FBXO17: variants seen among roughly 807,000 people sequenced by gnomAD.
The protein encoded by FBXO17 is F-box protein 17.
Under a neutral mutation model 34.1 loss-of-function variants are expected in FBXO17, and 43 were observed. The observed-to-expected ratio is 1.26, with a 90% confidence interval of 0.99 to 1.62. The LOEUF is 1.62. Ranked by LOEUF, FBXO17 falls within the 40% of genes most tolerant of loss-of-function variation. The pLI, the probability that FBXO17 is intolerant of heterozygous loss-of-function variation, is 0.00. For synonymous variants in FBXO17, 169 were observed against 166.0 expected, an observed-to-expected ratio of 1.02 and a Z score of -0.14; for missense variants, 424 against 386.7, an observed-to-expected ratio of 1.10 and a Z score of -0.81.
intron 1 of FBXO17, among the ~76,000 whole-genome samples, chr19:38,960,963 C>G (rs1015462517): frequency 9.2e-5 from 14 of 151,960 alleles, no homozygotes; most frequent in African/African-American, 3.4e-4. Context: ...CGCACCACCA[C>G]GCCAGGCTGA....
At chr19:38,945,896 G>A in intron 4 of FBXO17, 1 of 181,236 alleles carries the variant, frequency 5.5e-6, no homozygotes, top group South Asian at 1.0e-4. Context: ...GTAGTTGGGG[G>A]ACGGGAAAGG....
intron 5 of FBXO17, 167 bp downstream of exon 5, chr19:38,944,802 A>G (rs1392920953): frequency 5.5e-6 from 5 of 915,904 alleles, no homozygotes; most frequent in Middle Eastern, 3.3e-4. Flanking sequence ...ATGAATCGAT[A>G]TGTAAGCGTC....
In FBXO17 at chr19:38,975,447, G is replaced by C. The variant is rs991090161; in HGVS notation, c.-18+139C>G. ...GGAGGGCCCGGGAAAGCGACGCTGC[G>C]GGTTATGGGACTCCCAGGGACCCGC... On this transcript the variant is annotated intron_variant, in intron 1 of 5. Transcript: ENST00000292852. The surrounding 1 kb of genome is among the most constrained non-coding windows in gnomAD (Gnocchi z 4.9). 1.1e-4 allele frequency: 16 copies of C among 152,288 alleles called. No individual in the cohort carries two copies. Among genetic ancestry groups the C allele is most frequent in the Non-Finnish European group, 2.2e-4 (15 of 68,076 alleles). The allele number at this position is 152,288 out of a possible 1,614,324, so 9.4% of individuals were successfully genotyped here.
chr19:38,948,556 G>C lies in FBXO17; in HGVS notation c.461+11C>G. Reference sequence around the variant, plus strand: ...CCCCAGGGATCGGGGCCTCTCACTTGGGCCACTCACTCGAAAGAGGTCACG... The same window carrying C: ...CCCCAGGGATCGGGGCCTCTCACTTCGGCCACTCACTCGAAAGAGGTCACG... On this transcript the variant is annotated intron_variant, in intron 3 of 5. Transcript: ENST00000292852. 1 of 1,610,420 alleles carries C rather than the reference G, an allele frequency of 6.2e-7. No individual in the cohort carries two copies. The highest frequency in any genetic ancestry group is 8.5e-7 in the Non-Finnish European group (1 of 1,177,228).
At chr19:38,948,175 C>G (rs1568438737) in intron 3 of FBXO17, among the ~76,000 whole-genome samples, 2 of 151,804 alleles carry the variant, frequency 1.3e-5, no homozygotes, top group African/African-American at 4.8e-5. Flanking sequence ...GGGGTTTCCC[C>G]CTGTTGGCCA....
chr19:38,970,211 A>T (rs1975374250), intron 1 of FBXO17, among the ~76,000 whole-genome samples: 1 of 151,790 alleles, frequency 6.6e-6, no homozygotes, highest in Non-Finnish European at 1.5e-5. Context: ...CAAAAAAAAA[A>T]AAAAATTTTT....
intron 1 of FBXO17, among the ~76,000 whole-genome samples, chr19:38,951,893 C>T (rs1323391059): frequency 6.6e-6 from 1 of 152,190 alleles, no homozygotes; most frequent in Non-Finnish European, 1.5e-5. Context: ...AGGTGATCCA[C>T]CCACCTCGGC....
chr19:38,942,508 C>G lies in FBXO17; in HGVS notation c.*100G>C, dbSNP rs1465588088. 7.7e-7 allele frequency: 1 copy of G among 1,295,846 alleles called. No individual in the cohort carries two copies. The highest frequency in any genetic ancestry group is 1.0e-6 in the Non-Finnish European group (1 of 979,916). 80.3% of individuals were successfully genotyped at this position (1,295,846 alleles called of 1,614,324 possible). ...AACTCCCGAGCTCCAGTGATCCTCC[C>G]ACCTCGGCCTCCTGAAGTGCTGGGA... On this transcript the variant is annotated 3_prime_UTR_variant, in exon 6 of 6. Transcript: ENST00000292852.
At chr19:38,945,212 T>A (rs1213888816) in intron 4 of FBXO17, 108 bp from the exon 5 acceptor site, 4 of 1,433,194 alleles carry the variant, frequency 2.8e-6, no homozygotes, top group Non-Finnish European at 3.8e-6. Flanking sequence ...CCTGCACATC[T>A]GGACCACATT....
intron 1 of FBXO17, among the ~76,000 whole-genome samples, chr19:38,968,158 A>T (rs1444340941): frequency 6.6e-6 from 1 of 152,052 alleles, no homozygotes; most frequent in Admixed American, 6.6e-5. Flanking sequence ...GTCTCTACTA[A>T]AAACACAAAA....
chr19:38,966,205 G>A (rs1224500286), intron 1 of FBXO17, among the ~76,000 whole-genome samples: 3 of 151,788 alleles, frequency 2.0e-5, no homozygotes, highest in Non-Finnish European at 2.9e-5. Context: ...CCTGACCTCA[G>A]GTGATCCACC....
intron 1 of FBXO17, among the ~76,000 whole-genome samples, chr19:38,953,024 T>G (rs1165099702): frequency 6.6e-6 from 1 of 152,102 alleles, no homozygotes; most frequent in African/African-American, 2.4e-5. Context: ...ATTCTTGACC[T>G]GGCACGCTGG....
At chr19:38,961,287 T>TTTTTC (rs1975246412) in intron 1 of FBXO17, among the ~76,000 whole-genome samples, 1 of 151,190 alleles carries the variant, frequency 6.6e-6, no homozygotes, top group Non-Finnish European at 1.5e-5. Context: ...TAAATCTTTT[T>TTTTTC]TTTTTTGAGA....
chr19:38,963,823 A>G (rs114819814), intron 1 of FBXO17, among the ~76,000 whole-genome samples: 2,855 of 150,386 alleles, frequency 0.019, 94 homozygotes, highest in African/African-American at 0.063. Flanking sequence ...TTGTTCTATC[A>G]CCAAGGCTGG....
Position 38,954,901 on chromosome 19 carries a change from A to C in FBXO17, c.-17-4565T>G, listed in dbSNP as rs1470802500. 6.1e-3 allele frequency among the ~76,000 whole-genome samples: 135 copies of C among 21,958 alleles called. 1 individual carries two copies. Among genetic ancestry groups the C allele is most frequent in the African/African-American group, 0.025 (132 of 5,268 alleles). The allele number at this position is 21,958 out of a possible 152,430, so 14.4% of individuals were successfully genotyped here. On this transcript the variant is annotated intron_variant, in intron 1 of 5. Coordinates refer to ENST00000292852, the MANE Select transcript of FBXO17 (RefSeq NM_024907.7). Reference sequence around the variant, plus strand: ...TGCCCTGACAATGTGTTATTTTATTATTATTATTATTATTATTATTATTAT... The same window carrying C: ...TGCCCTGACAATGTGTTATTTTATTCTTATTATTATTATTATTATTATTAT...
chr19:38,943,954 A>G (rs1329981673), intron 5 of FBXO17, among the ~76,000 whole-genome samples: 5 of 152,294 alleles, frequency 3.3e-5, no homozygotes, highest in South Asian at 2.1e-4. Flanking sequence ...TTATGCAGCC[A>G]TCACCACTAC....
In FBXO17 at chr19:38,963,757, A is replaced by T. The variant is rs139111154; in HGVS notation, c.-18+11829T>A. Among the ~76,000 whole-genome samples, 564 of 151,752 alleles carry T rather than the reference A, an allele frequency of 3.7e-3. 4 individuals are homozygous for T. Among genetic ancestry groups the T allele is most frequent in the African/African-American group, 0.013 (529 of 41,438 alleles). On this transcript the variant is annotated intron_variant, in intron 1 of 5. Coordinates refer to ENST00000292852, the MANE Select transcript of FBXO17 (RefSeq NM_024907.7). ...ATAAGGCTGCTATGAATATTCATGT[A>T]CAAGTGTTTGTGTGGACATATGTTT...
rs61007658 is a variant in FBXO17, at chr19:38,958,406, C to CAA, written c.-17-8072_-17-8071dup. Among the ~76,000 whole-genome samples, 13 of 98,670 alleles carry CAA rather than the reference C, an allele frequency of 1.3e-4. 1 individual carries two copies. The highest frequency in any genetic ancestry group is 1.6e-4 in the Non-Finnish European group (8 of 49,274). 64.7% of individuals were successfully genotyped at this position (98,670 alleles called of 152,430 possible). On this transcript the variant is annotated intron_variant, in intron 1 of 5. Transcript: ENST00000292852. The stretch of plus-strand genomic sequence containing the variant: ...CTGGGCAACAAGAGTGAAACTGTCT[C>CAA]AAAAAAAAAAAAAAAAAAAAAAGGA...
chr19:38,954,893 ATTTTATTATTATTATTAT>A (rs1278561772), intron 1 of FBXO17, among the ~76,000 whole-genome samples: 12 of 94,396 alleles, frequency 1.3e-4, no homozygotes, highest in African/African-American at 5.2e-4. Context: ...ACAATGTGTT[ATTTTATTATTATTATTAT>A]TATTATTATT....
Sources: allele counts gnomAD v4.1 joint callset (sites outside exome capture counted in the v4.1 genomes callset), GRCh38; gene constraint gnomAD v4.1.1; non-coding constraint Gnocchi (gnomAD v3.1); transcripts MANE v1.5; gene names NCBI Gene and HGNC (gene_info 2026-07-23, HGNC 2026-07-21).